AHCYL2: variants seen among roughly 807,000 people sequenced by gnomAD.
AHCYL2 encodes adenosylhomocysteinase like 2, also known as S-adenosylhomocysteine hydrolase-like protein 2.
A neutral mutation model predicts 81.4 loss-of-function variants in AHCYL2; 28 were observed. The observed-to-expected ratio is 0.34, with a 90% CI of 0.25 to 0.47. The LOEUF is 0.47. Ranked by LOEUF, AHCYL2 falls within the 20% of genes least tolerant of loss-of-function variation. The probability of loss-of-function intolerance (pLI) is 1.00; values close to 1 mark genes in which losing one functional copy is unlikely to be tolerated. For missense variants in AHCYL2, 551 were observed against 785.1 expected (o/e 0.70, Z 3.56); for synonymous variants, 272 against 290.2 (o/e 0.94, Z 0.64).
At chr7:129,409,695 C>A in intron 11 of AHCYL2, 149 bp downstream of exon 11, 1 of 664,954 alleles carries the variant, frequency 1.5e-6, no homozygotes, top group Non-Finnish European at 2.6e-6. Flanking sequence ...CACATTCTTC[C>A]TAATTCTTTA....
chr7:129,251,948 AATCTCTTCTGTTT>A, intron 1 of AHCYL2, among the ~76,000 whole-genome samples: 1 of 152,140 alleles, frequency 6.6e-6, no homozygotes, highest in East Asian at 1.9e-4. Flanking sequence ...TTGTGTTTTT[AATCTCTTCTGTTT>A]ATCTCTTCTG....
intron 1 of AHCYL2, among the ~76,000 whole-genome samples, chr7:129,270,383 C>T (rs981510317): frequency 6.6e-6 from 1 of 152,182 alleles, no homozygotes; most frequent in African/African-American, 2.4e-5. Context: ...ACCTATGGGT[C>T]CTGTCCATGA....
intron 11 of AHCYL2, among the ~76,000 whole-genome samples, chr7:129,412,441 C>T (rs929337095): frequency 1.3e-4 from 20 of 151,836 alleles, no homozygotes; most frequent in African/African-American, 2.7e-4. Flanking sequence ...CCACCACACC[C>T]GGCTAATTTT....
intron 1 of AHCYL2, among the ~76,000 whole-genome samples, chr7:129,242,384 A>G (rs1308980118): frequency 6.7e-6 from 1 of 149,356 alleles, no homozygotes; most frequent in African/African-American, 2.5e-5. Flanking sequence ...CCTTATGCAC[A>G]TGTGTGAGAG....
At chr7:129,288,923 C>A (rs1342990522) in intron 1 of AHCYL2, among the ~76,000 whole-genome samples, 1 of 151,802 alleles carries the variant, frequency 6.6e-6, no homozygotes, top group African/African-American at 2.4e-5. Flanking sequence ...GCATGCACCA[C>A]CACGCCTGGC....
At chr7:129,310,089 A>G (rs1031399419) in intron 1 of AHCYL2, among the ~76,000 whole-genome samples, 1 of 152,160 alleles carries the variant, frequency 6.6e-6, no homozygotes, top group Non-Finnish European at 1.5e-5. Flanking sequence ...CTGTCTAAAT[A>G]TATGATTCTT....
intron 1 of AHCYL2, among the ~76,000 whole-genome samples, chr7:129,289,333 CCT>C (rs1796753516): frequency 6.6e-6 from 1 of 152,220 alleles, no homozygotes; most frequent in Non-Finnish European, 1.5e-5. Context: ...TTCAAGCAGT[CCT>C]CTTGCCTTGG....
At chr7:129,230,311 T>C (rs1306130910) in intron 1 of AHCYL2, among the ~76,000 whole-genome samples, 1 of 151,874 alleles carries the variant, frequency 6.6e-6, no homozygotes, top group Non-Finnish European at 1.5e-5. Context: ...CTCGATCTTC[T>C]GACCTCGTGA....
intron 1 of AHCYL2, among the ~76,000 whole-genome samples, chr7:129,351,895 T>C (rs1184621044): frequency 6.6e-6 from 1 of 152,216 alleles, no homozygotes; most frequent in Non-Finnish European, 1.5e-5. Flanking sequence ...ATATAAGCAA[T>C]GATAGGTAAG....
At chr7:129,313,765 A>AG (rs1797740776) in intron 1 of AHCYL2, among the ~76,000 whole-genome samples, 1 of 152,260 alleles carries the variant, frequency 6.6e-6, no homozygotes, top group Non-Finnish European at 1.5e-5. Flanking sequence ...ATAAAAGTTA[A>AG]GATACCATAG....
chr7:129,323,923 T>C (rs1584783703), intron 1 of AHCYL2, among the ~76,000 whole-genome samples: 1 of 148,044 alleles, frequency 6.8e-6, no homozygotes, highest in East Asian at 2.0e-4. Context: ...CAGGTTGGAG[T>C]GCAATGGCGA....
intron 6 of AHCYL2, among the ~76,000 whole-genome samples, chr7:129,400,673 A>C (rs563015744): frequency 6.6e-6 from 1 of 152,250 alleles, no homozygotes; most frequent in South Asian, 2.1e-4. Flanking sequence ...CTGGTTAAAA[A>C]ACAATAGTAA....
chr7:129,289,926 C>G (rs941299517), intron 1 of AHCYL2, among the ~76,000 whole-genome samples: 2 of 151,590 alleles, frequency 1.3e-5, no homozygotes, highest in African/African-American at 4.8e-5. Flanking sequence ...GGGATTACAG[C>G]CATGCACCAC....
chr7:129,359,720 C>G (rs895637497), intron 1 of AHCYL2, among the ~76,000 whole-genome samples: 1 of 152,132 alleles, frequency 6.6e-6, no homozygotes, highest in African/African-American at 2.4e-5. Flanking sequence ...ACAGCTTTAG[C>G]TAGAGGTGCT....
intron 2 of AHCYL2, among the ~76,000 whole-genome samples, chr7:129,386,326 C>T (rs139248477): frequency 6.6e-6 from 1 of 151,920 alleles, no homozygotes; most frequent in Non-Finnish European, 1.5e-5. Flanking sequence ...AGCCAGGCAC[C>T]GTGGTGGGCT....
chr7:129,234,528 C>T (rs548123214), intron 1 of AHCYL2, among the ~76,000 whole-genome samples: 1 of 152,150 alleles, frequency 6.6e-6, no homozygotes, highest in African/African-American at 2.4e-5. Flanking sequence ...CAGGCGCGAG[C>T]CCACACCTGG....
At chr7:129,292,925 G>A (rs1220331331) in intron 1 of AHCYL2, among the ~76,000 whole-genome samples, 4 of 152,130 alleles carry the variant, frequency 2.6e-5, no homozygotes, top group Non-Finnish European at 1.5e-5. Context: ...TATTGCTTTG[G>A]GAATGATAGT....
At position 129,343,259 on chromosome 7, in the gene AHCYL2, C is replaced by T. The variant is rs533267507; in HGVS notation, c.364-36379C>T. On this transcript the variant is annotated intron_variant, in intron 1 of 16. Coordinates refer to ENST00000325006, the MANE Select transcript of AHCYL2 (RefSeq NM_015328.4). ...ATCTTTCTTGCTTGGCATATCCGTA[C>T]AGTTTCCTCCCACTAGAGGGCACTA... Among the ~76,000 whole-genome samples the T allele has an allele frequency of 2.9e-4, 44 of 152,264 alleles. No individual in the cohort carries two copies. The South Asian group carries it at 9.1e-3, about 32-fold the overall frequency.
At chr7:129,276,352 A>G (rs1403660356) in intron 1 of AHCYL2, among the ~76,000 whole-genome samples, 3 of 152,004 alleles carry the variant, frequency 2.0e-5, no homozygotes, top group African/African-American at 7.2e-5. Flanking sequence ...AGAGTTCATT[A>G]TTTATTAGTC....
Sources: allele counts gnomAD v4.1 joint callset (sites outside exome capture counted in the v4.1 genomes callset), GRCh38; gene constraint gnomAD v4.1.1; transcripts MANE v1.5; gene names NCBI Gene and HGNC (gene_info 2026-07-23, HGNC 2026-07-21).